CYP39A1: variants seen among roughly 807,000 people sequenced by gnomAD.
CYP39A1 encodes 24-hydroxycholesterol 7-alpha-hydroxylase.
A neutral mutation model predicts 58.1 loss-of-function variants in CYP39A1; 49 were observed. That is an observed-to-expected ratio of 0.84 (90% CI 0.67 to 1.07). CYP39A1 has a LOEUF of 1.07. CYP39A1 is among the 50% of genes least tolerant of loss of function. The pLI is 0.00. For synonymous variants in CYP39A1, 209 were observed against 187.6 expected (o/e 1.11, Z -0.93); for missense variants, 531 against 539.4 (o/e 0.98, Z 0.16).
At chr6:46,650,321 C>T (rs1009353060) in intron 1 of CYP39A1, among the ~76,000 whole-genome samples, 1 of 150,792 alleles carries the variant, frequency 6.6e-6, no homozygotes, top group Non-Finnish European at 1.5e-5. Context: ...AGCCTTCCTG[C>T]ATGAAGGTTG....
intron 7 of CYP39A1, among the ~76,000 whole-genome samples, chr6:46,610,502 C>T (rs961571487): frequency 6.6e-5 from 10 of 151,788 alleles, no homozygotes; most frequent in African/African-American, 1.9e-4. Context: ...CCACCACATC[C>T]GACTAAATTT....
At chr6:46,573,396 AG>A (rs1424457019) in intron 10 of CYP39A1, among the ~76,000 whole-genome samples, 2 of 152,166 alleles carry the variant, frequency 1.3e-5, no homozygotes, top group African/African-American at 2.4e-5. Flanking sequence ...AATATTTGAC[AG>A]GACTGTGGGG....
intron 10 of CYP39A1, 30 bp from the exon 11 acceptor site, chr6:46,553,884 A>G (rs766513223): frequency 8.4e-5 from 116 of 1,378,496 alleles, no homozygotes; most frequent in Admixed American, 2.9e-4. Context: ...TTGTTACTTG[A>G]TTGTGAAAGA....
intron 10 of CYP39A1, 61 bp downstream of exon 10, chr6:46,587,016 C>T (rs1358308687): frequency 1.7e-6 from 2 of 1,204,072 alleles, no homozygotes; most frequent in East Asian, 2.4e-5. Flanking sequence ...AGTTGTTCCC[C>T]TCTGAGCCAT....
intron 1 of CYP39A1, among the ~76,000 whole-genome samples, chr6:46,644,791 C>A (rs1276743036): frequency 1.3e-5 from 2 of 152,154 alleles, no homozygotes; most frequent in Non-Finnish European, 2.9e-5. Context: ...TTCTCTGTAT[C>A]CTCACCAATA....
At chr6:46,626,205 C>G (rs1277270184) in intron 6 of CYP39A1, among the ~76,000 whole-genome samples, 1 of 152,052 alleles carries the variant, frequency 6.6e-6, no homozygotes, top group East Asian at 1.9e-4. Flanking sequence ...TGTGGTATTA[C>G]AAGATAAAAT....
intron 11 of CYP39A1, among the ~76,000 whole-genome samples, chr6:46,553,246 G>C (rs1055661766): frequency 1.9e-4 from 29 of 152,162 alleles, no homozygotes; most frequent in African/African-American, 6.5e-4. Flanking sequence ...TATGAGAATA[G>C]ATCTACAGAA....
intron 7 of CYP39A1, among the ~76,000 whole-genome samples, chr6:46,622,194 C>T (rs763806850): frequency 6.6e-6 from 1 of 151,992 alleles, no homozygotes; most frequent in Non-Finnish European, 1.5e-5. Flanking sequence ...AAAGTGACTC[C>T]TAATGGGTAT....
At chr6:46,624,741 G>A (rs891705995) in intron 7 of CYP39A1, among the ~76,000 whole-genome samples, 2 of 151,964 alleles carry the variant, frequency 1.3e-5, no homozygotes, top group African/African-American at 2.4e-5. Flanking sequence ...GTTTAAAAAA[G>A]TCAACTCCCC....
At position 46,623,879 on chromosome 6, in the gene CYP39A1, GT is replaced by G. The variant is rs566478766; in HGVS notation, c.931+1538del. 2.1e-3 allele frequency among the ~76,000 whole-genome samples: 323 copies of G among 152,124 alleles called. 1 individual carries two copies. The highest frequency in any genetic ancestry group is 6.8e-3 in the Middle Eastern group (2 of 294). ...CTGTATAAGTATGGTTAAAAAAAAA[GT>G]TTGATGTCTTTCATAAATAGTTTTC... On this transcript the variant is annotated intron_variant, in intron 7 of 11. Coordinates refer to ENST00000275016, the MANE Select transcript of CYP39A1 (RefSeq NM_016593.5).
intron 8 of CYP39A1, among the ~76,000 whole-genome samples, chr6:46,589,649 G>A (rs1042941897): frequency 2.6e-5 from 4 of 151,968 alleles, no homozygotes; most frequent in African/African-American, 9.7e-5. Flanking sequence ...GCTTTTGCAG[G>A]TACCTTCTAT....
chr6:46,562,941 AG>A (rs1164570810), intron 10 of CYP39A1, among the ~76,000 whole-genome samples: 2 of 151,898 alleles, frequency 1.3e-5, no homozygotes, highest in Non-Finnish European at 2.9e-5. Context: ...TCTACTTTTT[AG>A]TGTTAGTTTA....
intron 10 of CYP39A1, among the ~76,000 whole-genome samples, chr6:46,578,582 C>T (rs1226919707): frequency 1.3e-5 from 2 of 151,756 alleles, no homozygotes; most frequent in Admixed American, 1.3e-4. Context: ...TCCAAATAAA[C>T]ACAATCAGAA....
intron 10 of CYP39A1, among the ~76,000 whole-genome samples, chr6:46,565,252 A>G (rs1771214394): frequency 6.6e-6 from 1 of 152,198 alleles, no homozygotes; most frequent in Non-Finnish European, 1.5e-5. Context: ...TAGAAGATGC[A>G]GTTTGCCAAA....
Position 46,600,488 on chromosome 6 carries a change from T to G in CYP39A1, c.932-4368A>C, listed in dbSNP as rs569581139. 5.9e-5 allele frequency among the ~76,000 whole-genome samples: 9 copies of G among 152,088 alleles called. No homozygotes were observed. In the East Asian group the frequency reaches 1.7e-3, roughly 30 times the overall value. ...ACTCTTGGAAATTAGGGGCTAGTTG[T>G]CAAAGGAACCAACCATGAGATGAGA... On this transcript the variant is annotated intron_variant, in intron 7 of 11. Transcript: ENST00000275016.
chr6:46,626,370 G>A (rs949820247), intron 6 of CYP39A1, among the ~76,000 whole-genome samples: 3 of 152,134 alleles, frequency 2.0e-5, no homozygotes, highest in African/African-American at 7.2e-5. Flanking sequence ...TTATGAAAGA[G>A]ATTTCATCTA....
At chr6:46,636,632 T>C in intron 4 of CYP39A1, 150 bp from the exon 5 acceptor site, 1 of 605,744 alleles carries the variant, frequency 1.7e-6, no homozygotes, top group Non-Finnish European at 2.9e-6. Flanking sequence ...AGGTCTACCT[T>C]CGGAATGATT....
At chr6:46,615,116 C>T (rs942151555) in intron 7 of CYP39A1, among the ~76,000 whole-genome samples, 2 of 152,066 alleles carry the variant, frequency 1.3e-5, no homozygotes, top group African/African-American at 4.8e-5. Context: ...AAAAATCTAG[C>T]ATTTTTCTGC....
chr6:46,594,456 C>T (rs1235789087), intron 8 of CYP39A1, among the ~76,000 whole-genome samples: 3 of 151,800 alleles, frequency 2.0e-5, no homozygotes, highest in Non-Finnish European at 4.4e-5. Flanking sequence ...TGGCATAAAA[C>T]CAGGCACATA....
Sources: gnomAD v4.1 joint callset for allele counts (sites outside exome capture counted in the v4.1 genomes callset) on GRCh38, gnomAD v4.1.1 for gene constraint, MANE v1.5 for transcripts, NCBI Gene and HGNC (gene_info 2026-07-23, HGNC 2026-07-21) for gene names.